Variants in CHLSN observed in about 807,000 individuals in gnomAD.
CHLSN encodes the protein protein cholesin.
the CHLSN span, chr7:997,613 G>A: frequency 3.0e-5 from 47 of 1,580,100 alleles, no homozygotes; most frequent in Non-Finnish European, 3.5e-5. Context: ...GCCCCGCCCC[G>A]CGCTGAACCC....
the CHLSN span, among the ~76,000 whole-genome samples, chr7:1,108,602 C>T: frequency 6.6e-6 from 1 of 152,210 alleles, no homozygotes; most frequent in African/African-American, 2.4e-5. Flanking sequence ...CCCAGCTTCC[C>T]TGCCATGTGT....
At chr7:1,133,391 G>GC in the CHLSN span, among the ~76,000 whole-genome samples, 1 of 64,584 alleles carries the variant, frequency 1.5e-5, no homozygotes, top group East Asian at 4.3e-4. Context: ...TCGATATACT[G>GC]CAAAAAAAAA....
At chr7:1,125,003 G>A in the CHLSN span, among the ~76,000 whole-genome samples, 1 of 152,236 alleles carries the variant, frequency 6.6e-6, no homozygotes. Context: ...GGGGGTGGCA[G>A]TGAGAGACGA....
chr7:1,069,286 G>A, the CHLSN span, among the ~76,000 whole-genome samples: 9 of 152,058 alleles, frequency 5.9e-5, no homozygotes, highest in African/African-American at 1.9e-4. Flanking sequence ...AGCCAAGATT[G>A]CGCCACTGCA....
chr7:1,041,758 C>A, the CHLSN span, among the ~76,000 whole-genome samples: 1 of 152,136 alleles, frequency 6.6e-6, no homozygotes, highest in African/African-American at 2.4e-5. Context: ...AGAGAAGGTT[C>A]ATCTCCGAGG....
At chr7:1,016,723 ACACAGCAGCACACGCCAGCG>A in the CHLSN span, among the ~76,000 whole-genome samples, 34 of 83,382 alleles carry the variant, frequency 4.1e-4, no homozygotes, top group East Asian at 3.7e-3. Flanking sequence ...GCACAGCAGC[ACACAGCAGCACACGCCAGCG>A]CACAGCAGCA....
the CHLSN span, among the ~76,000 whole-genome samples, chr7:1,029,877 G>A: frequency 6.6e-6 from 1 of 152,234 alleles, no homozygotes; most frequent in Non-Finnish European, 1.5e-5. Context: ...CTGCTCTGTG[G>A]TGGCAGCGGG....
the CHLSN span, among the ~76,000 whole-genome samples, chr7:1,065,737 C>T: frequency 6.6e-6 from 1 of 152,234 alleles, no homozygotes; most frequent in Non-Finnish European, 1.5e-5. Flanking sequence ...TGTCAGAACA[C>T]GCCAGGGTGG....
chr7:1,058,157 C>A, the CHLSN span: 1 of 738,952 alleles, frequency 1.4e-6, no homozygotes, highest in Non-Finnish European at 2.5e-6. Flanking sequence ...CCCGCGTCCG[C>A]AGGGAGGACA....
chr7:1,112,099 C>G, the CHLSN span, among the ~76,000 whole-genome samples: 1 of 152,160 alleles, frequency 6.6e-6, no homozygotes, highest in Non-Finnish European at 1.5e-5. Flanking sequence ...CACAAAGAAG[C>G]AGCGCTGGCA....
the CHLSN span, chr7:1,043,574 G>A: frequency 3.9e-5 from 6 of 152,228 alleles, no homozygotes; most frequent in Non-Finnish European, 7.3e-5. Flanking sequence ...CACAGGGCCC[G>A]GGCTGCATCC....
At chr7:1,092,250 C>T in the CHLSN span, 1 of 1,612,430 alleles carries the variant, frequency 6.2e-7, no homozygotes, top group Non-Finnish European at 8.5e-7. Flanking sequence ...AGCACCACGC[C>T]CGGCTGAGCT....
chr7:1,048,522 G>C, the CHLSN span, among the ~76,000 whole-genome samples: 2 of 152,084 alleles, frequency 1.3e-5, no homozygotes, highest in African/African-American at 4.8e-5. Context: ...TCTGTCTCCA[G>C]GCCTGCTGCT....
the CHLSN span, chr7:1,092,992 G>A: frequency 1.2e-6 from 1 of 831,204 alleles, no homozygotes; most frequent in Non-Finnish European, 2.0e-6. Context: ...CCTCGCGAGG[G>A]TCACGCTTGC....
chr7:1,136,518 A>AG, the CHLSN span, among the ~76,000 whole-genome samples: 1 of 99,222 alleles, frequency 1.0e-5, no homozygotes, highest in Admixed American at 1.2e-4. Flanking sequence ...AAACATATAT[A>AG]AATATATATA....
chr7:1,013,375 A>T, the CHLSN span, among the ~76,000 whole-genome samples: 1 of 152,244 alleles, frequency 6.6e-6, no homozygotes. Context: ...AAAAATTTTT[A>T]AAAGAATCCC....
At chr7:1,033,369 C>A in the CHLSN span, among the ~76,000 whole-genome samples, 1 of 152,084 alleles carries the variant, frequency 6.6e-6, no homozygotes, top group Admixed American at 6.5e-5. Flanking sequence ...ACCAGCCTGA[C>A]CAACACGGAG....
At chr7:1,049,090 C>T in the CHLSN span, among the ~76,000 whole-genome samples, 16 of 152,252 alleles carry the variant, frequency 1.1e-4, no homozygotes, top group Non-Finnish European at 2.1e-4. Flanking sequence ...CCTGTGCTAC[C>T]CATGCAAGCG....
the CHLSN span, among the ~76,000 whole-genome samples, chr7:1,016,828 C>T: frequency 1.0e-5 from 1 of 96,778 alleles, no homozygotes; most frequent in African/African-American, 4.5e-5. Context: ...CACAGCAGCG[C>T]ACAGCAGCGC....
Sources: allele counts gnomAD v4.1 joint callset (sites outside exome capture counted in the v4.1 genomes callset), GRCh38; gene constraint gnomAD v4.1.1; transcripts MANE v1.5; gene names NCBI Gene and HGNC (gene_info 2026-07-23, HGNC 2026-07-21).